Variants in FBXL17 observed in about 807,000 individuals in gnomAD.
FBXL17 encodes F-box and leucine rich repeat protein 17, also known as F-box/LRR-repeat protein 17.
FBXL17 carries 22 observed loss-of-function variants against 66.2 expected under a neutral mutation model. That is an observed-to-expected ratio of 0.33 (90% CI 0.24 to 0.47). FBXL17 has a LOEUF of 0.47. Ranked by LOEUF, FBXL17 falls within the 20% of genes least tolerant of loss-of-function variation. FBXL17 has a pLI of 1.00. For missense variants in FBXL17, 878 were observed against 948.2 expected (o/e 0.93, Z 0.97); for synonymous variants, 474 against 400.5 (o/e 1.18, Z -2.19).
At chr5:108,162,393 G>A (rs1752249525) in intron 6 of FBXL17, among the ~76,000 whole-genome samples, 2 of 152,054 alleles carry the variant, frequency 1.3e-5, no homozygotes, top group African/African-American at 4.8e-5. Flanking sequence ...CTACTCGGGA[G>A]ACTGAAGCAG....
At chr5:108,375,367 G>GCACACACACACACACACA (rs61340348) in intron 1 of FBXL17, among the ~76,000 whole-genome samples, 7 of 148,738 alleles carry the variant, frequency 4.7e-5, no homozygotes, top group African/African-American at 1.5e-4. Flanking sequence ...CAGAGACCCT[G>GCACACACACACACACACA]CACACACACA....
chr5:108,090,569 A>G (rs1749149965), intron 6 of FBXL17, among the ~76,000 whole-genome samples: 1 of 152,228 alleles, frequency 6.6e-6, no homozygotes, highest in Non-Finnish European at 1.5e-5. Flanking sequence ...TGTAGCAGAA[A>G]AGCATTTGTA....
chr5:107,980,645 A>ATAT (rs1554054251), intron 7 of FBXL17, among the ~76,000 whole-genome samples: 1 of 79,254 alleles, frequency 1.3e-5, no homozygotes, highest in Non-Finnish European at 2.2e-5. Flanking sequence ...CCAATAAAAT[A>ATAT]ATATATATAT....
intron 7 of FBXL17, among the ~76,000 whole-genome samples, chr5:107,945,310 T>C (rs1345820448): frequency 6.6e-6 from 1 of 152,106 alleles, no homozygotes; most frequent in Non-Finnish European, 1.5e-5. Flanking sequence ...TACCTGATGG[T>C]GAGAGTATAA....
chr5:107,860,129 CA>C lies in FBXL17; in HGVS notation c.*1590del, dbSNP rs1215674845. On this transcript the variant is annotated 3_prime_UTR_variant, in exon 9 of 9. Transcript: ENST00000542267. ...CATAATCAAAGGAAACAGTTGTTTA[CA>C]AAAAAAGAGAATCATTAGAAATCAG... The C allele has an allele frequency of 6.6e-6, 1 of 151,826 alleles. No individual in the cohort carries two copies. Among genetic ancestry groups the C allele is most frequent in the Admixed American group, 6.6e-5 (1 of 15,246 alleles). The allele number at this position is 151,826 out of a possible 1,614,324, so 9.4% of individuals were successfully genotyped here. A position where few individuals can be genotyped will look rare whatever the true frequency, so the allele number is the denominator to read the frequency against.
At chr5:107,940,035 C>T (rs982881490) in intron 7 of FBXL17, among the ~76,000 whole-genome samples, 1 of 152,120 alleles carries the variant, frequency 6.6e-6, no homozygotes, top group African/African-American at 2.4e-5. Context: ...GCCACTCTGA[C>T]TAGCATCTCA....
chr5:107,946,552 C>T (rs1039479013), intron 7 of FBXL17, among the ~76,000 whole-genome samples: 35 of 151,010 alleles, frequency 2.3e-4, no homozygotes, highest in African/African-American at 7.8e-4. Context: ...AGTGATCCTC[C>T]GGCCTTGGCT....
intron 4 of FBXL17, among the ~76,000 whole-genome samples, chr5:108,343,668 G>C (rs764734412): frequency 1.8e-4 from 27 of 152,082 alleles, no homozygotes; most frequent in Non-Finnish European, 3.7e-4. Flanking sequence ...TTTAAACTGT[G>C]ACACAAATGT....
intron 4 of FBXL17, among the ~76,000 whole-genome samples, chr5:108,258,714 A>G (rs1164324946): frequency 2.6e-5 from 4 of 151,582 alleles, no homozygotes; most frequent in African/African-American, 7.3e-5. Flanking sequence ...TAATTAAGGA[A>G]GTCAGGATAA....
intron 6 of FBXL17, among the ~76,000 whole-genome samples, chr5:108,051,882 G>A (rs950011135): frequency 3.9e-5 from 6 of 151,982 alleles, no homozygotes; most frequent in Non-Finnish European, 8.8e-5. Flanking sequence ...AGGCTGAGGC[G>A]GGCGGATCAT....
At chr5:108,343,134 T>TG (rs1424758418) in intron 4 of FBXL17, among the ~76,000 whole-genome samples, 1 of 152,232 alleles carries the variant, frequency 6.6e-6, no homozygotes, top group Non-Finnish European at 1.5e-5. Context: ...GCCTTAATCT[T>TG]GGACTTGTCA....
intron 6 of FBXL17, among the ~76,000 whole-genome samples, chr5:108,169,592 G>A (rs766630630): frequency 8.6e-5 from 13 of 152,046 alleles, no homozygotes; most frequent in Admixed American, 1.3e-4. Flanking sequence ...AGGTTAACAC[G>A]TTGTCAGTTA....
At chr5:107,871,067 A>AC (rs1561511876) in intron 8 of FBXL17, among the ~76,000 whole-genome samples, 16 of 150,036 alleles carry the variant, frequency 1.1e-4, no homozygotes, top group African/African-American at 3.7e-4. Context: ...CAAAAAAAAA[A>AC]AAAAAAAAAA....
intron 1 of FBXL17, among the ~76,000 whole-genome samples, chr5:108,370,176 A>C (rs1748931592): frequency 6.6e-6 from 1 of 152,208 alleles, no homozygotes; most frequent in Admixed American, 6.5e-5. Flanking sequence ...CTACATAGAC[A>C]GTGGGCCCAG....
rs200975336 is a variant in FBXL17, at chr5:108,201,718, T to C, written c.1615-15471A>G. 2.6e-5 allele frequency among the ~76,000 whole-genome samples: 4 copies of C among 152,150 alleles called. No homozygotes were observed. In the East Asian group the frequency reaches 5.8e-4, roughly 22 times the overall value. ...TTTCTCTAATTCGGGCAGTCTGTTC[T>C]GCTGATTTAGAAATGGGACCCCTTC... On this transcript the variant is annotated intron_variant, in intron 5 of 8. Transcript: ENST00000542267.
chr5:107,983,470 A>T (rs146215804), intron 7 of FBXL17, among the ~76,000 whole-genome samples: 1 of 152,038 alleles, frequency 6.6e-6, no homozygotes, highest in Non-Finnish European at 1.5e-5. Context: ...TTGAGATAAC[A>T]GGCATGAGCC....
At chr5:108,186,661 T>C (rs1239042943) in intron 5 of FBXL17, among the ~76,000 whole-genome samples, 2 of 151,844 alleles carry the variant, frequency 1.3e-5, no homozygotes, top group Non-Finnish European at 2.9e-5. Context: ...TCCCAGCTAC[T>C]TGGGAGGCTG....
At chr5:108,009,268 T>C (rs1247878092) in intron 7 of FBXL17, among the ~76,000 whole-genome samples, 1 of 16,720 alleles carries the variant, frequency 6.0e-5, no homozygotes, top group Admixed American at 5.7e-4. Flanking sequence ...GTTTTATATA[T>C]ATATATATAT....
chr5:108,332,854 C>T (rs1350989547), intron 4 of FBXL17, among the ~76,000 whole-genome samples: 2 of 149,920 alleles, frequency 1.3e-5, no homozygotes, highest in Non-Finnish European at 3.0e-5. Flanking sequence ...AGTGATCCAC[C>T]GCCTCGGCCT....
Sources: allele counts gnomAD v4.1 joint callset (sites outside exome capture counted in the v4.1 genomes callset), GRCh38; gene constraint gnomAD v4.1.1; transcripts MANE v1.5; gene names NCBI Gene and HGNC (gene_info 2026-07-23, HGNC 2026-07-21).